The following TRHDE variants were observed in gnomAD, a reference collection of about 807,000 sequenced individuals.
TRHDE encodes the protein thyrotropin releasing hormone degrading enzyme.
In TRHDE, 72 loss-of-function variants were observed where a neutral mutation model predicts 125.7. The observed-to-expected ratio is 0.57, with a 90% CI of 0.47 to 0.70. TRHDE has a LOEUF of 0.70. TRHDE is among the 30% of genes least tolerant of loss of function. The probability of loss-of-function intolerance (pLI) is 0.00; values close to 1 mark genes in which losing one functional copy is unlikely to be tolerated. For missense variants in TRHDE, 1,110 were observed against 1,327.1 expected, an observed-to-expected ratio of 0.84 and a Z score of 2.54; for synonymous variants, 509 against 509.1, an observed-to-expected ratio of 1.00 and a Z score of 0.00.
chr12:72,440,345 G>A (rs990027965), intron 3 of TRHDE, among the ~76,000 whole-genome samples: 1 of 151,790 alleles, frequency 6.6e-6, no homozygotes, highest in Non-Finnish European at 1.5e-5. Flanking sequence ...ATTTAGAAGT[G>A]AAATCATTAG....
intron 2 of TRHDE, among the ~76,000 whole-genome samples, chr12:72,114,177 A>AG (rs58175930): frequency 0.75 from 112,214 of 150,232 alleles, 42,598 homozygotes; most frequent in Non-Finnish European, 0.82. Flanking sequence ...AAAAAAAAAA[A>AG]GCATGCTGGG....
At chr12:72,380,222 C>T (rs1189167823) in intron 3 of TRHDE, among the ~76,000 whole-genome samples, 1 of 152,166 alleles carries the variant, frequency 6.6e-6, no homozygotes, top group Non-Finnish European at 1.5e-5. Flanking sequence ...CTACCGTGGA[C>T]ATTTTTCTAT....
At chr12:72,096,926 C>T (rs1874936995) in intron 1 of TRHDE, among the ~76,000 whole-genome samples, 1 of 152,178 alleles carries the variant, frequency 6.6e-6, no homozygotes, top group Non-Finnish European at 1.5e-5. Flanking sequence ...CACATCTTCT[C>T]CACTTAAGAG....
intron 2 of TRHDE, among the ~76,000 whole-genome samples, chr12:72,221,342 A>G (rs1214778353): frequency 6.6e-6 from 1 of 152,126 alleles, no homozygotes; most frequent in Admixed American, 6.6e-5. Flanking sequence ...ATCATGAAAG[A>G]AAGCTTAAAT....
At chr12:72,639,589 A>G in intron 15 of TRHDE, among the ~76,000 whole-genome samples, 1 of 136,506 alleles carries the variant, frequency 7.3e-6, no homozygotes, top group Non-Finnish European at 1.5e-5. Context: ...TGCTTTTTAG[A>G]GTTTCCAGTT....
intron 6 of TRHDE, among the ~76,000 whole-genome samples, chr12:72,518,591 C>T (rs1320112493): frequency 1.3e-5 from 2 of 152,050 alleles, no homozygotes; most frequent in Non-Finnish European, 2.9e-5. Context: ...GGTCTTGACT[C>T]TTTATCCAAT....
chr12:72,513,770 G>A (rs1030048548), intron 6 of TRHDE, among the ~76,000 whole-genome samples: 7 of 151,872 alleles, frequency 4.6e-5, no homozygotes, highest in Non-Finnish European at 7.4e-5. Context: ...GTTTAAGCAC[G>A]ATTTTTAAGG....
chr12:72,510,922 A>G (rs548885365), intron 6 of TRHDE, among the ~76,000 whole-genome samples: 1 of 152,282 alleles, frequency 6.6e-6, no homozygotes, highest in East Asian at 1.9e-4. Flanking sequence ...ATAGAGGGCT[A>G]AGAGGTGACT....
chr12:72,562,836 C>T lies in TRHDE; in HGVS notation c.1855-17C>T, dbSNP rs373709551. 6.7e-7 allele frequency: 1 copy of T among 1,493,414 alleles called. No individual in the cohort carries two copies. Among genetic ancestry groups the T allele is most frequent in the Non-Finnish European group, 9.0e-7 (1 of 1,109,878 alleles). The allele number at this position is 1,493,414 out of a possible 1,614,324, so 92.5% of individuals were successfully genotyped here. A position where few individuals can be genotyped will look rare whatever the true frequency, so the allele number is the denominator to read the frequency against. ...TTCATGTTTATAAAACTAATTTGTACATTTTTCCTTGTGAAGGCTTTAAAA... is the reference window on the plus strand; with the variant it reads ...TTCATGTTTATAAAACTAATTTGTATATTTTTCCTTGTGAAGGCTTTAAAA... On this transcript the variant is annotated splice_polypyrimidine_tract_variant and intron_variant, in intron 8 of 18. Coordinates refer to ENST00000261180, the MANE Select transcript of TRHDE (RefSeq NM_013381.3).
At chr12:72,475,573 C>T (rs1298763703) in intron 5 of TRHDE, among the ~76,000 whole-genome samples, 2 of 152,090 alleles carry the variant, frequency 1.3e-5, no homozygotes, top group Non-Finnish European at 2.9e-5. Flanking sequence ...ATTTCTTCAT[C>T]ATTTTATCAG....
chr12:72,597,711 A>ATG lies in TRHDE; in HGVS notation c.2322-21178_2322-21177dup, dbSNP rs201385730. 1.2e-3 allele frequency among the ~76,000 whole-genome samples: 35 copies of ATG among 29,290 alleles called. 1 individual carries two copies. Among genetic ancestry groups the ATG allele is most frequent in the East Asian group, 6.0e-3 (2 of 332 alleles). 19.2% of individuals were successfully genotyped at this position (29,290 alleles called of 152,430 possible). ...GAGAGGTATATATATGTGTGTGTGT[A>ATG]TGTATATATATATATATATATATAT... On this transcript the variant is annotated intron_variant, in intron 12 of 18. Coordinates refer to ENST00000261180, the MANE Select transcript of TRHDE (RefSeq NM_013381.3).
At chr12:72,355,738 T>A (rs12306682) in intron 2 of TRHDE, among the ~76,000 whole-genome samples, 8,752 of 151,540 alleles carry the variant, frequency 0.058, 476 homozygotes, top group African/African-American at 0.13. Context: ...AAAGAGGGCA[T>A]AGAACATGAA....
intron 2 of TRHDE, among the ~76,000 whole-genome samples, chr12:72,338,073 C>G (rs1024430894): frequency 2.0e-5 from 3 of 152,160 alleles, no homozygotes; most frequent in Admixed American, 1.3e-4. Context: ...TTTCAGATGA[C>G]TTTTTGTACA....
intron 12 of TRHDE, among the ~76,000 whole-genome samples, chr12:72,594,933 A>G (rs1317064246): frequency 6.6e-6 from 1 of 152,000 alleles, no homozygotes; most frequent in African/African-American, 2.4e-5. Flanking sequence ...CCATGCAGCC[A>G]TAAAAAAGGA....
intron 2 of TRHDE, chr12:72,162,959 AT>A (rs1876668279): frequency 6.6e-6 from 1 of 151,576 alleles, no homozygotes; most frequent in Admixed American, 6.6e-5. Context: ...GATAGGCTCA[AT>A]ATTTTAAATT....
At chr12:72,563,905 T>C (rs1194561910) in intron 9 of TRHDE, among the ~76,000 whole-genome samples, 1 of 152,094 alleles carries the variant, frequency 6.6e-6, no homozygotes, top group Non-Finnish European at 1.5e-5. Flanking sequence ...TCCCATTACC[T>C]TGGAAAATTA....
At chr12:72,548,031 T>A (rs548769357) in intron 7 of TRHDE, among the ~76,000 whole-genome samples, 6 of 151,842 alleles carry the variant, frequency 4.0e-5, no homozygotes, top group Non-Finnish European at 8.8e-5. Flanking sequence ...ATTTATACTA[T>A]TGGAATCTGG....
At chr12:72,291,493 A>G (rs1022499300) in intron 2 of TRHDE, among the ~76,000 whole-genome samples, 2 of 152,210 alleles carry the variant, frequency 1.3e-5, no homozygotes, top group Non-Finnish European at 2.9e-5. Context: ...TCCAATTAAA[A>G]AGTAGTTTGT....
chr12:72,619,160 C>G (rs769447379), intron 13 of TRHDE, 122 bp downstream of exon 13: 4 of 712,568 alleles, frequency 5.6e-6, no homozygotes, highest in African/African-American at 5.6e-5. Flanking sequence ...TGTGTTATCC[C>G]GATTTTTGTC....
Sources: gnomAD v4.1 joint callset for allele counts (sites outside exome capture counted in the v4.1 genomes callset) on GRCh38, gnomAD v4.1.1 for gene constraint, MANE v1.5 for transcripts, NCBI Gene and HGNC (gene_info 2026-07-23, HGNC 2026-07-21) for gene names.